Variants in MYT1L observed in about 807,000 individuals in gnomAD.
MYT1L encodes the protein myelin transcription factor 1 like, also known as myelin transcription factor 1-like protein.
Under a neutral mutation model 126.7 loss-of-function variants are expected in MYT1L, and 12 were observed. The ratio of observed to expected loss-of-function variants is 0.09; its 90% CI spans 0.06 to 0.15. The LOEUF (loss-of-function observed/expected upper bound fraction) is 0.15, where lower values mean the gene tolerates loss of function less well. MYT1L is among the 10% of genes least tolerant of loss of function. The pLI is 1.00. For synonymous variants in MYT1L, 541 were observed against 604.2 expected (o/e 0.90, Z 1.53); for missense variants, 979 against 1,585.2 (o/e 0.62, Z 6.49).
intron 8 of MYT1L, among the ~76,000 whole-genome samples, chr2:1,975,140 G>A (rs115887947): frequency 2.0e-3 from 301 of 148,320 alleles, no homozygotes; most frequent in African/African-American, 7.0e-3. Flanking sequence ...TCTCAATTTC[G>A]TACAAGCCCG....
chr2:2,089,841 TA>T (rs2076730698), intron 3 of MYT1L, among the ~76,000 whole-genome samples: 1 of 152,212 alleles, frequency 6.6e-6, no homozygotes. Flanking sequence ...ATTCATTAAA[TA>T]GCCTTGGACA....
At chr2:2,075,242 G>A (rs1179522235) in intron 3 of MYT1L, among the ~76,000 whole-genome samples, 2 of 152,186 alleles carry the variant, frequency 1.3e-5, no homozygotes, top group Non-Finnish European at 2.9e-5. Context: ...ATAAAGAAAG[G>A]ATTATTTTTC....
At chr2:2,280,672 C>A (rs542229869) in intron 2 of MYT1L, among the ~76,000 whole-genome samples, 9 of 152,284 alleles carry the variant, frequency 5.9e-5, no homozygotes, top group Admixed American at 1.3e-4. Context: ...TGCAGTGCAG[C>A]AGTCTGTGCA....
chr2:2,088,116 C>T (rs550215038), intron 3 of MYT1L, among the ~76,000 whole-genome samples: 4 of 152,298 alleles, frequency 2.6e-5, no homozygotes, highest in East Asian at 1.9e-4. Flanking sequence ...GAGTGTGGCT[C>T]GTTACAGCAC....
chr2:1,879,924 T>C (rs937045392), intron 18 of MYT1L, among the ~76,000 whole-genome samples: 2 of 152,236 alleles, frequency 1.3e-5, no homozygotes, highest in African/African-American at 4.8e-5. Flanking sequence ...TTTCATAATT[T>C]TGAAATGAAA....
At chr2:2,325,126 A>T (rs1171194922) in intron 1 of MYT1L, 3 of 152,372 alleles carry the variant, frequency 2.0e-5, no homozygotes, top group Non-Finnish European at 2.9e-5. Flanking sequence ...CATTGATGTT[A>T]TGGTAAATTC....
intron 8 of MYT1L, among the ~76,000 whole-genome samples, chr2:1,957,176 G>A (rs2058556861): frequency 6.6e-6 from 1 of 152,164 alleles, no homozygotes; most frequent in African/African-American, 2.4e-5. Flanking sequence ...TGAGTGTGAG[G>A]CCATGAGATG....
At chr2:2,186,010 T>G (rs1212940479) in intron 2 of MYT1L, among the ~76,000 whole-genome samples, 2 of 120,354 alleles carry the variant, frequency 1.7e-5, no homozygotes, top group Non-Finnish European at 3.4e-5. Context: ...CTTCCGGGCC[T>G]TCCCGAGTCC....
intron 4 of MYT1L, among the ~76,000 whole-genome samples, chr2:2,045,822 TTC>T (rs1332191041): frequency 6.6e-6 from 1 of 152,178 alleles, no homozygotes; most frequent in African/African-American, 2.4e-5. Flanking sequence ...GCCAACTTTC[TTC>T]TTTCCAAGGG....
At chr2:2,149,442 C>T (rs1031697607) in intron 3 of MYT1L, among the ~76,000 whole-genome samples, 2 of 152,216 alleles carry the variant, frequency 1.3e-5, no homozygotes, top group Admixed American at 6.5e-5. Context: ...GCAATGGGGA[C>T]TGACTTGCCC....
At chr2:2,226,662 C>T (rs1470627229) in intron 2 of MYT1L, among the ~76,000 whole-genome samples, 2 of 152,158 alleles carry the variant, frequency 1.3e-5, no homozygotes. Flanking sequence ...GACCACATGA[C>T]CTCTATCAAC....
chr2:2,068,131 A>G (rs1276871839), intron 3 of MYT1L, among the ~76,000 whole-genome samples: 1 of 152,018 alleles, frequency 6.6e-6, no homozygotes, highest in East Asian at 1.9e-4. Flanking sequence ...GGTCCAATGA[A>G]CTTTACATGG....
chr2:2,115,390 C>A (rs1238388012), intron 3 of MYT1L, among the ~76,000 whole-genome samples: 1 of 152,114 alleles, frequency 6.6e-6, no homozygotes, highest in East Asian at 1.9e-4. Flanking sequence ...AGAACCCCCA[C>A]AATAAAAATT....
intron 2 of MYT1L, among the ~76,000 whole-genome samples, chr2:2,267,340 C>T (rs1428344460): frequency 6.6e-6 from 1 of 152,182 alleles, no homozygotes; most frequent in African/African-American, 2.4e-5. Context: ...AACTGAAACT[C>T]AGAGAGGTGG....
At chr2:2,039,761 A>C (rs1434439978) in intron 4 of MYT1L, among the ~76,000 whole-genome samples, 1 of 152,194 alleles carries the variant, frequency 6.6e-6, no homozygotes, top group Non-Finnish European at 1.5e-5. Flanking sequence ...CAGCCCGCTC[A>C]TGCTTCCTCC....
rs140297515 is a variant in MYT1L, at chr2:1,990,217, C to T, written c.-1+6974G>A. Among the ~76,000 whole-genome samples the T allele has an allele frequency of 3.2e-3, 480 of 152,374 alleles. 3 individuals carry two copies. The highest frequency in any genetic ancestry group is 0.011 in the African/African-American group (458 of 41,586). ...CTCCCCATTCCTGGGCGGACGCCAT[C>T]TCTTGTGGGAACTCACAGTTCTCCC... On this transcript the variant is annotated intron_variant, in intron 5 of 24. Coordinates refer to ENST00000647738, the MANE Select transcript of MYT1L (RefSeq NM_001303052.2).
At chr2:2,268,078 A>G (rs1206504912) in intron 2 of MYT1L, among the ~76,000 whole-genome samples, 1 of 152,204 alleles carries the variant, frequency 6.6e-6, no homozygotes, top group Non-Finnish European at 1.5e-5. Flanking sequence ...GACTTATAAG[A>G]TAAGATAGAG....
intron 1 of MYT1L, among the ~76,000 whole-genome samples, chr2:2,310,733 C>A (rs1021699837): frequency 1.3e-5 from 2 of 152,154 alleles, no homozygotes; most frequent in African/African-American, 4.8e-5. Flanking sequence ...AAAGTCCAAA[C>A]AATTATACAG....
At chr2:2,240,646 T>A (rs557689011) in intron 2 of MYT1L, among the ~76,000 whole-genome samples, 1 of 152,346 alleles carries the variant, frequency 6.6e-6, no homozygotes, top group African/African-American at 2.4e-5. Context: ...CCATATGGAC[T>A]GGAATTATAT....
Sources: gnomAD v4.1 joint callset for allele counts (sites outside exome capture counted in the v4.1 genomes callset) on GRCh38, gnomAD v4.1.1 for gene constraint, MANE v1.5 for transcripts, NCBI Gene and HGNC (gene_info 2026-07-23, HGNC 2026-07-21) for gene names.